Variants in NXPH1 observed in about 807,000 individuals in gnomAD.
NXPH1 encodes the protein neurexophilin-1.
A neutral mutation model predicts 23.7 loss-of-function variants in NXPH1; 5 were observed. The observed-to-expected ratio is 0.21, with a 90% confidence interval of 0.11 to 0.44. NXPH1 has a LOEUF of 0.44. NXPH1 is among the 20% of genes least tolerant of loss of function. The probability of loss-of-function intolerance (pLI) is 0.99; values close to 1 mark genes in which losing one functional copy is unlikely to be tolerated. For synonymous variants in NXPH1, 144 were observed against 122.2 expected (o/e 1.18, Z -1.18); for missense variants, 324 against 321.6 (o/e 1.01, Z -0.06).
intron 2 of NXPH1, among the ~76,000 whole-genome samples, chr7:8,572,607 ACT>A (rs1415339031): frequency 6.6e-6 from 1 of 152,050 alleles, no homozygotes; most frequent in African/African-American, 2.4e-5. Context: ...TTTAAAGCAG[ACT>A]CTGATATTAA....
At chr7:8,476,666 C>T (rs10278761) in intron 2 of NXPH1, among the ~76,000 whole-genome samples, 75,462 of 151,632 alleles carry the variant, frequency 0.5, 19,624 homozygotes, top group East Asian at 0.78. Flanking sequence ...TCTACCTTAG[C>T]TATGAAGTAT....
At chr7:8,559,453 A>G (rs1818407777) in intron 2 of NXPH1, among the ~76,000 whole-genome samples, 1 of 151,662 alleles carries the variant, frequency 6.6e-6, no homozygotes, top group South Asian at 2.1e-4. Context: ...CAAACTCATT[A>G]TTTGGATGCC....
intron 2 of NXPH1, among the ~76,000 whole-genome samples, chr7:8,690,796 C>T (rs528645317): frequency 6.6e-6 from 1 of 152,304 alleles, no homozygotes; most frequent in African/African-American, 2.4e-5. Context: ...GCATTTACTG[C>T]CTCGTTTGTG....
chr7:8,500,768 C>T (rs996832177), intron 2 of NXPH1, among the ~76,000 whole-genome samples: 9 of 152,066 alleles, frequency 5.9e-5, no homozygotes, highest in Non-Finnish European at 1.2e-4. Context: ...ACAGATTCAA[C>T]GTCTTTTACT....
intron 2 of NXPH1, among the ~76,000 whole-genome samples, chr7:8,698,660 T>C (rs146929163): frequency 3.5e-4 from 53 of 152,272 alleles, no homozygotes; most frequent in African/African-American, 1.3e-3. Context: ...TATTTCAGAG[T>C]GATAAACTAT....
At position 8,435,694 on chromosome 7, in the gene NXPH1, G is replaced by C; in HGVS notation, c.-20G>C. 6.2e-7 allele frequency: 1 copy of C among 1,613,410 alleles called. No homozygotes were observed. Among genetic ancestry groups the C allele is most frequent in the Non-Finnish European group, 8.5e-7 (1 of 1,179,364 alleles). Reference sequence around the variant, plus strand: ...AAGACTCAAAGAAGGCACCGCCAAGGAAGTTTGAGACGCGGGAGAATGCAG... The same window carrying C: ...AAGACTCAAAGAAGGCACCGCCAAGCAAGTTTGAGACGCGGGAGAATGCAG... On this transcript the variant is annotated 5_prime_UTR_variant, in exon 2 of 3. Transcript: ENST00000405863. The surrounding 1 kb of genome is among the most constrained non-coding windows in gnomAD (Gnocchi z 5.9).
chr7:8,686,459 A>G (rs1821146624), intron 2 of NXPH1, among the ~76,000 whole-genome samples: 1 of 152,150 alleles, frequency 6.6e-6, no homozygotes, highest in African/African-American at 2.4e-5. Flanking sequence ...TATTTATTAC[A>G]CTTGGATATG....
intron 2 of NXPH1, among the ~76,000 whole-genome samples, chr7:8,589,946 T>A (rs992021435): frequency 6.6e-6 from 1 of 152,120 alleles, no homozygotes; most frequent in African/African-American, 2.4e-5. Context: ...TTAGCCACAT[T>A]TCAAGTGCCC....
At chr7:8,729,947 G>A (rs1583249879) in intron 2 of NXPH1, among the ~76,000 whole-genome samples, 2 of 143,004 alleles carry the variant, frequency 1.4e-5, no homozygotes, top group South Asian at 2.3e-4. Context: ...GGGTGTTAAA[G>A]TCTCCCATTA....
intron 2 of NXPH1, among the ~76,000 whole-genome samples, chr7:8,521,168 A>C (rs1247622065): frequency 6.6e-6 from 1 of 152,160 alleles, no homozygotes; most frequent in Non-Finnish European, 1.5e-5. Flanking sequence ...GATATGATGA[A>C]TGTTTTGCAC....
intron 2 of NXPH1, among the ~76,000 whole-genome samples, chr7:8,557,157 A>G (rs997993751): frequency 6.6e-6 from 1 of 151,688 alleles, no homozygotes; most frequent in Non-Finnish European, 1.5e-5. Context: ...GTTTGGGTCC[A>G]TACATGTGCT....
chr7:8,446,909 CT>C (rs34187217), intron 2 of NXPH1, among the ~76,000 whole-genome samples: 88,563 of 148,394 alleles, frequency 0.6, 28,489 homozygotes, highest in African/African-American at 0.85. Context: ...TAGTAATATT[CT>C]TTTTTTTTTT....
chr7:8,638,492 A>G (rs1489558359), intron 2 of NXPH1, among the ~76,000 whole-genome samples: 1 of 152,220 alleles, frequency 6.6e-6, no homozygotes, highest in Non-Finnish European at 1.5e-5. Context: ...TATTATATTA[A>G]AAAGTTGTAA....
intron 2 of NXPH1, among the ~76,000 whole-genome samples, chr7:8,731,264 A>G (rs1371169135): frequency 2.0e-5 from 3 of 151,974 alleles, no homozygotes; most frequent in Non-Finnish European, 4.4e-5. Context: ...CGAAGTTTTC[A>G]ACTTCTTTGC....
rs192859026 is a variant in NXPH1 at position 8,592,589 on chromosome 7, C to T, written c.54+156822C>T. 3.0e-3 allele frequency among the ~76,000 whole-genome samples: 461 copies of T among 152,034 alleles called. 4 individuals carry two copies. The highest frequency in any genetic ancestry group is 0.01 in the African/African-American group (427 of 41,494). The stretch of plus-strand genomic sequence containing the variant: ...GTTAACCATTTTATTCATATTATTT[C>T]TTTTAATTCACTAAAGCAGAAATCT... On this transcript the variant is annotated intron_variant, in intron 2 of 2. Coordinates refer to ENST00000405863, the MANE Select transcript of NXPH1 (RefSeq NM_152745.3).
chr7:8,634,279 CG>C (rs1461435545), intron 2 of NXPH1, among the ~76,000 whole-genome samples: 3 of 152,074 alleles, frequency 2.0e-5, no homozygotes, highest in African/African-American at 7.2e-5. Context: ...TCATAAAGGG[CG>C]GTTCCCCTGC....
intron 2 of NXPH1, among the ~76,000 whole-genome samples, chr7:8,497,756 GA>G (rs749966009): frequency 3.9e-5 from 6 of 152,096 alleles, no homozygotes; most frequent in Non-Finnish European, 7.4e-5. Context: ...GTAGATTCTG[GA>G]TATTAGCCCT....
intron 2 of NXPH1, among the ~76,000 whole-genome samples, chr7:8,652,069 C>G (rs1231562221): frequency 6.6e-6 from 1 of 152,068 alleles, no homozygotes; most frequent in East Asian, 1.9e-4. Flanking sequence ...CCTTTTTAAG[C>G]TTTCACCAAT....
chr7:8,616,340 A>G (rs562724486), intron 2 of NXPH1, among the ~76,000 whole-genome samples: 94 of 152,134 alleles, frequency 6.2e-4, no homozygotes, highest in African/African-American at 2.0e-3. Flanking sequence ...TGATGACCCT[A>G]TAGAAAATAG....
Sources: allele counts gnomAD v4.1 joint callset (sites outside exome capture counted in the v4.1 genomes callset), GRCh38; gene constraint gnomAD v4.1.1; non-coding constraint Gnocchi (gnomAD v3.1); transcripts MANE v1.5; gene names NCBI Gene and HGNC (gene_info 2026-07-23, HGNC 2026-07-21).